Variants in AFG1L observed in about 807,000 individuals in gnomAD.
The protein encoded by AFG1L is AFG1-like ATPase.
AFG1L carries 53 observed loss-of-function variants against 62.2 expected under a neutral mutation model. The ratio of observed to expected loss-of-function variants is 0.85; its 90% CI spans 0.68 to 1.07. The LOEUF (loss-of-function observed/expected upper bound fraction) is 1.07, where lower values mean the gene tolerates loss of function less well. Ranked by LOEUF, AFG1L falls within the 50% of genes least tolerant of loss-of-function variation. The pLI is 0.00. For synonymous variants in AFG1L, 228 were observed against 210.3 expected (o/e 1.08, Z -0.73); for missense variants, 555 against 590.5 (o/e 0.94, Z 0.62).
intron 10 of AFG1L, among the ~76,000 whole-genome samples, chr6:108,489,714 T>G (rs1773704978): frequency 6.6e-6 from 1 of 152,142 alleles, no homozygotes; most frequent in South Asian, 2.1e-4. Context: ...CACCTAGGGC[T>G]CCAACGGTTT....
intron 2 of AFG1L, among the ~76,000 whole-genome samples, chr6:108,331,619 T>C (rs1778281511): frequency 6.6e-6 from 1 of 152,216 alleles, no homozygotes; most frequent in African/African-American, 2.4e-5. Context: ...TGAATAAAAT[T>C]TACAACCAGG....
chr6:108,346,036 T>C (rs1778850903), intron 2 of AFG1L, among the ~76,000 whole-genome samples: 1 of 152,164 alleles, frequency 6.6e-6, no homozygotes, highest in Non-Finnish European at 1.5e-5. Flanking sequence ...GGCTGGTAAA[T>C]GGTAGAGGGG....
chr6:108,309,804 A>G (rs1233880137), intron 1 of AFG1L, among the ~76,000 whole-genome samples: 1 of 152,164 alleles, frequency 6.6e-6, no homozygotes, highest in Non-Finnish European at 1.5e-5. Context: ...TATCTTATTA[A>G]TAATTAAAAA....
At chr6:108,340,588 C>T (rs1778646255) in intron 2 of AFG1L, among the ~76,000 whole-genome samples, 1 of 152,112 alleles carries the variant, frequency 6.6e-6, no homozygotes. Flanking sequence ...TGGTCTCGAA[C>T]TCCTGACCTC....
rs547414431 is a variant in AFG1L, at chr6:108,501,870, A to G, written c.1063-8342A>G. 3.9e-5 allele frequency among the ~76,000 whole-genome samples: 6 copies of G among 152,322 alleles called. No individual in the cohort carries two copies. In the South Asian group the frequency reaches 8.3e-4, roughly 21 times the overall value. On this transcript the variant is annotated intron_variant, in intron 10 of 12. Coordinates refer to ENST00000368977, the MANE Select transcript of AFG1L (RefSeq NM_145315.5). Reference sequence around the variant, plus strand: ...TTGTTTCCCGGTACATATAAAAGTTATGTTTATACTGTAGTCTATTAAGTG... The same window carrying G: ...TTGTTTCCCGGTACATATAAAAGTTGTGTTTATACTGTAGTCTATTAAGTG...
chr6:108,311,949 A>G (rs543049559), intron 1 of AFG1L, among the ~76,000 whole-genome samples: 38 of 151,630 alleles, frequency 2.5e-4, no homozygotes, highest in Non-Finnish European at 3.7e-4. Context: ...ACTGCAACCT[A>G]TGCCTCCTGG....
intron 10 of AFG1L, among the ~76,000 whole-genome samples, chr6:108,492,008 A>G (rs1250014680): frequency 1.3e-5 from 2 of 152,246 alleles, no homozygotes; most frequent in Non-Finnish European, 2.9e-5. Context: ...AAAAGTAACA[A>G]AACCTCTGCA....
At chr6:108,312,886 CT>C (rs1203393286) in intron 1 of AFG1L, among the ~76,000 whole-genome samples, 2 of 152,102 alleles carry the variant, frequency 1.3e-5, no homozygotes, top group Non-Finnish European at 2.9e-5. Flanking sequence ...ATCCTCCCAC[CT>C]TGGCTTCCTA....
chr6:108,486,446 A>G (rs1015535577), intron 10 of AFG1L, among the ~76,000 whole-genome samples: 5 of 152,178 alleles, frequency 3.3e-5, no homozygotes, highest in East Asian at 1.9e-4. Flanking sequence ...AATATATTTT[A>G]TGGAAAAAAG....
At chr6:108,486,101 T>A (rs2114839268) in intron 10 of AFG1L, among the ~76,000 whole-genome samples, 1 of 152,318 alleles carries the variant, frequency 6.6e-6, no homozygotes, top group East Asian at 1.9e-4. Flanking sequence ...AAGACCTGTA[T>A]GAAGAGATTG....
intron 7 of AFG1L, among the ~76,000 whole-genome samples, chr6:108,442,094 A>T (rs1771577422): frequency 6.6e-6 from 1 of 152,110 alleles, no homozygotes; most frequent in African/African-American, 2.4e-5. Context: ...AAGATAGCTT[A>T]TGAAAAATTG....
At chr6:108,318,233 A>G (rs375267556) in intron 1 of AFG1L, 31 of 311,922 alleles carry the variant, frequency 9.9e-5, no homozygotes, top group East Asian at 5.1e-4. Flanking sequence ...GGCTATCATC[A>G]TCATAGGCAG....
chr6:108,476,738 T>C (rs1480228445), intron 8 of AFG1L, 127 bp from the exon 9 acceptor site: 1 of 658,208 alleles, frequency 1.5e-6, no homozygotes, highest in Non-Finnish European at 2.7e-6. Flanking sequence ...AAATCTAATG[T>C]TTGTATTTAG....
At chr6:108,338,801 G>A (rs1378833642) in intron 2 of AFG1L, among the ~76,000 whole-genome samples, 1 of 152,200 alleles carries the variant, frequency 6.6e-6, no homozygotes, top group Non-Finnish European at 1.5e-5. Flanking sequence ...TGTCTGACAT[G>A]TAGTGAGAAC....
intron 2 of AFG1L, among the ~76,000 whole-genome samples, chr6:108,335,412 C>T (rs1778439157): frequency 6.6e-6 from 1 of 152,194 alleles, no homozygotes. Context: ...GTCATAGAGC[C>T]TATCCATGTA....
chr6:108,489,055 G>A (rs1447045166), intron 10 of AFG1L, among the ~76,000 whole-genome samples: 1 of 152,172 alleles, frequency 6.6e-6, no homozygotes, highest in Non-Finnish European at 1.5e-5. Context: ...GGAGAAAGTA[G>A]AGCACAGCCA....
intron 6 of AFG1L, among the ~76,000 whole-genome samples, chr6:108,369,325 A>G (rs1287752085): frequency 1.3e-5 from 2 of 152,196 alleles, no homozygotes; most frequent in Non-Finnish European, 2.9e-5. Context: ...ACCGTAGGCC[A>G]AAAAAGTTAC....
intron 2 of AFG1L, among the ~76,000 whole-genome samples, chr6:108,346,579 G>A (rs978785690): frequency 4.6e-5 from 7 of 152,072 alleles, no homozygotes; most frequent in Non-Finnish European, 8.8e-5. Flanking sequence ...TATTGCCCAG[G>A]CTGGTCTTGA....
At chr6:108,451,553 A>C (rs550590377) in intron 8 of AFG1L, among the ~76,000 whole-genome samples, 57 of 152,296 alleles carry the variant, frequency 3.7e-4, no homozygotes, top group African/African-American at 1.3e-3. Flanking sequence ...TATACAGCAA[A>C]TTCAGAGAAT....
Sources: allele counts gnomAD v4.1 joint callset (sites outside exome capture counted in the v4.1 genomes callset), GRCh38; gene constraint gnomAD v4.1.1; transcripts MANE v1.5; gene names NCBI Gene and HGNC (gene_info 2026-07-23, HGNC 2026-07-21).